YIPF4: variants seen among roughly 807,000 people sequenced by gnomAD.
YIPF4 encodes protein YIPF4.
In YIPF4, 18 loss-of-function variants were observed where a neutral mutation model predicts 29.4. That is an observed-to-expected ratio of 0.61 (90% CI 0.42 to 0.91). YIPF4 has a LOEUF of 0.91. Ranked by LOEUF, YIPF4 falls within the 40% of genes least tolerant of loss-of-function variation. The probability of loss-of-function intolerance (pLI) is 0.00; values close to 1 mark genes in which losing one functional copy is unlikely to be tolerated. For missense variants in YIPF4, 279 were observed against 282.7 expected (o/e 0.99, Z 0.09); for synonymous variants, 115 against 104.7 (o/e 1.10, Z -0.60).
At chr2:32,296,793 A>G (rs1028463852) in intron 3 of YIPF4, among the ~76,000 whole-genome samples, 16 of 152,308 alleles carry the variant, frequency 1.1e-4, no homozygotes, top group Admixed American at 1.0e-3. Flanking sequence ...CAACTATGCA[A>G]ATATCCTGTT....
intron 3 of YIPF4, among the ~76,000 whole-genome samples, chr2:32,295,888 C>G (rs1349825777): frequency 6.6e-6 from 1 of 152,168 alleles, no homozygotes; most frequent in African/African-American, 2.4e-5. Flanking sequence ...CAGGTGTGAA[C>G]CACTGTGCCC....
chr2:32,283,131 C>T (rs1016503486), intron 1 of YIPF4, among the ~76,000 whole-genome samples: 5 of 146,736 alleles, frequency 3.4e-5, no homozygotes, highest in Non-Finnish European at 6.0e-5. Flanking sequence ...AAATGTAAAA[C>T]ATTTACTACT....
chr2:32,279,218 G>T (rs957689139), intron 1 of YIPF4, among the ~76,000 whole-genome samples: 1 of 151,828 alleles, frequency 6.6e-6, no homozygotes, highest in Non-Finnish European at 1.5e-5. Flanking sequence ...TGATCCGCCC[G>T]CCTCGGCCTC....
intron 1 of YIPF4, among the ~76,000 whole-genome samples, chr2:32,279,976 A>G (rs1441251407): frequency 2.0e-5 from 3 of 147,708 alleles, no homozygotes; most frequent in Non-Finnish European, 4.5e-5. Context: ...AGCTTACTAT[A>G]ACCTCAAATT....
At chr2:32,292,088 CTTAT>C in intron 2 of YIPF4, 85 bp from the exon 3 acceptor site, 1 of 856,172 alleles carries the variant, frequency 1.2e-6, no homozygotes, top group Non-Finnish European at 1.7e-6. Flanking sequence ...TTATAACTGT[CTTAT>C]TTAAAGTTTT....
rs374704030 is a variant in YIPF4 at position 32,280,139 on chromosome 2, T to A, written c.79+1905T>A. On this transcript the variant is annotated intron_variant, in intron 1 of 5. Transcript: ENST00000238831. ...CCAGCTAATATATATATATATATTTTTTTTTTGAGGCGGAGTCTCACTTTG... is the reference window on the plus strand; with the variant it reads ...CCAGCTAATATATATATATATATTTATTTTTTGAGGCGGAGTCTCACTTTG... 5.0e-3 allele frequency among the ~76,000 whole-genome samples: 728 copies of A among 145,780 alleles called. 1 individual carries two copies. The highest frequency in any genetic ancestry group is 0.022 in the Middle Eastern group (6 of 278).
At chr2:32,290,722 C>A (rs2030874835) in intron 2 of YIPF4, 86 bp downstream of exon 2, 1 of 987,330 alleles carries the variant, frequency 1.0e-6, no homozygotes, top group Non-Finnish European at 1.3e-6. Context: ...AGAGAGAAAG[C>A]ATTAACCTTT....
chr2:32,301,516 T>A, intron 5 of YIPF4, 21 bp downstream of exon 5: 1 of 1,504,180 alleles, frequency 6.6e-7, no homozygotes, highest in Admixed American at 1.7e-5. Flanking sequence ...GATTATGTAT[T>A]ACATAGTTTA....
At chr2:32,294,344 C>G (rs1016239752) in intron 3 of YIPF4, among the ~76,000 whole-genome samples, 4 of 151,430 alleles carry the variant, frequency 2.6e-5, no homozygotes, top group Non-Finnish European at 4.4e-5. Context: ...CTCCTCACTT[C>G]TCAGACAGGG....
At position 32,305,869 on chromosome 2, in the gene YIPF4, A is replaced by T. The variant is rs942602005; in HGVS notation, c.*243A>T. On this transcript the variant is annotated 3_prime_UTR_variant, in exon 6 of 6. Transcript: ENST00000238831. ...TTCTCCATATTCCAGTGAATAAAAT[A>T]CAAAAGCATTGTGTTTTTAAGATTG... 1.5e-5 allele frequency: 17 copies of T among 1,118,198 alleles called. No homozygotes were observed. The African/African-American group carries it at 2.6e-4, about 17-fold the overall frequency. 69.3% of individuals were successfully genotyped at this position (1,118,198 alleles called of 1,614,324 possible).
rs1264845944 is a variant in YIPF4 at position 32,312,101 on chromosome 2, A to C, written c.*6475A>C. ...TAGTCTCTTCATGGAAAACAGTAAA[A>C]ATACTCACGTTTATGATGATGGGCC... On this transcript the variant is annotated 3_prime_UTR_variant, in exon 6 of 6. Coordinates refer to ENST00000238831, the MANE Select transcript of YIPF4 (RefSeq NM_032312.4). 7 of 152,192 alleles carry C rather than the reference A, an allele frequency of 4.6e-5. No homozygotes were observed. Among genetic ancestry groups the C allele is most frequent in the Admixed American group, 4.6e-4 (7 of 15,272 alleles). 9.4% of individuals were successfully genotyped at this position (152,192 alleles called of 1,614,324 possible). A position where few individuals can be genotyped will look rare whatever the true frequency, so the allele number is the denominator to read the frequency against.
rs1403883751 is a variant in YIPF4 at position 32,311,248 on chromosome 2, A to G, written c.*5622A>G. On this transcript the variant is annotated 3_prime_UTR_variant, in exon 6 of 6. Transcript: ENST00000238831. Reference sequence around the variant, plus strand: ...ACTGGTGAAAATTTTAGACCAAACCATGTCTTTCTGGGTTGTAGTGATTAA... The same window carrying G: ...ACTGGTGAAAATTTTAGACCAAACCGTGTCTTTCTGGGTTGTAGTGATTAA... The G allele has an allele frequency of 6.6e-6, 1 of 152,172 alleles. No individual in the cohort carries two copies. Among genetic ancestry groups the G allele is most frequent in the African/African-American group, 2.4e-5 (1 of 41,446 alleles). 9.4% of individuals were successfully genotyped at this position (152,172 alleles called of 1,614,324 possible). A position where few individuals can be genotyped will look rare whatever the true frequency, so the allele number is the denominator to read the frequency against.
At chr2:32,300,574 T>C (rs1398174583) in intron 4 of YIPF4, among the ~76,000 whole-genome samples, 2 of 152,182 alleles carry the variant, frequency 1.3e-5, no homozygotes, top group African/African-American at 2.4e-5. Context: ...GTGAAACCTT[T>C]TTACTCTGCA....
At chr2:32,291,616 TATTA>T (rs1399244698) in intron 2 of YIPF4, among the ~76,000 whole-genome samples, 7 of 152,156 alleles carry the variant, frequency 4.6e-5, no homozygotes, top group African/African-American at 1.7e-4. Flanking sequence ...TTATTTTACA[TATTA>T]ATTAAACAGA....
chr2:32,308,069 CTAATTTTTTAAA>C lies in YIPF4; in HGVS notation c.*2448_*2459del, dbSNP rs1233405836. The C allele has an allele frequency of 1.3e-5, 2 of 150,796 alleles. No individual in the cohort carries two copies. Among genetic ancestry groups the C allele is most frequent in the Admixed American group, 6.6e-5 (1 of 15,062 alleles). 9.3% of individuals were successfully genotyped at this position (150,796 alleles called of 1,614,324 possible). ...TATAATAATATTTTCTGAGTCATAACTAATTTTTTAAATAATGATTTCCAATCTAATTATTAA... is the reference window on the plus strand; with the variant it reads ...TATAATAATATTTTCTGAGTCATAACTAATGATTTCCAATCTAATTATTAA... On this transcript the variant is annotated 3_prime_UTR_variant, in exon 6 of 6. Coordinates refer to ENST00000238831, the MANE Select transcript of YIPF4 (RefSeq NM_032312.4).
At position 32,311,361 on chromosome 2, in the gene YIPF4, A is replaced by G. The variant is rs1385011932; in HGVS notation, c.*5735A>G. ...AGTTTTCTCTTTGAAAATTCTTTTG[A>G]TATGCTGAGGTTACAGTTTGGAGGT... On this transcript the variant is annotated 3_prime_UTR_variant, in exon 6 of 6. Transcript: ENST00000238831. The G allele has an allele frequency of 6.6e-6, 1 of 152,166 alleles. No homozygotes were observed. The highest frequency in any genetic ancestry group is 1.5e-5 in the Non-Finnish European group (1 of 68,032). 9.4% of individuals were successfully genotyped at this position (152,166 alleles called of 1,614,324 possible).
chr2:32,288,061 T>C (rs2030752004), intron 1 of YIPF4, among the ~76,000 whole-genome samples: 1 of 152,218 alleles, frequency 6.6e-6, no homozygotes, highest in African/African-American at 2.4e-5. Context: ...TTTCTTGCTC[T>C]CTGACATCAT....
rs1421153933 is a variant in YIPF4 at position 32,307,416 on chromosome 2, G to C, written c.*1790G>C. The C allele has an allele frequency of 1.2e-5, 2 of 170,452 alleles. No homozygotes were observed. Among genetic ancestry groups the C allele is most frequent in the Admixed American group, 6.5e-5 (1 of 15,480 alleles). The allele number at this position is 170,452 out of a possible 1,614,324, so 10.6% of individuals were successfully genotyped here. On this transcript the variant is annotated 3_prime_UTR_variant, in exon 6 of 6. Transcript: ENST00000238831. Reference sequence around the variant, plus strand: ...AAAAACTATCATTGCTTTAAGGTATGAATTTTAAAAATCACTTATATGGAT... The same window carrying C: ...AAAAACTATCATTGCTTTAAGGTATCAATTTTAAAAATCACTTATATGGAT...
In YIPF4 at chr2:32,313,300, G is replaced by GT. The variant is rs1312478349; in HGVS notation, c.*7677dup. ...AATATAAAAAGAAAACCAGTTTGAA[G>GT]TTTAGTGGTTAATGAAATTGAACAG... On this transcript the variant is annotated 3_prime_UTR_variant, in exon 6 of 6. Transcript: ENST00000238831. 1.3e-5 allele frequency: 2 copies of GT among 152,198 alleles called. No individual in the cohort carries two copies. The highest frequency in any genetic ancestry group is 2.9e-5 in the Non-Finnish European group (2 of 68,032). The allele number at this position is 152,198 out of a possible 1,614,324, so 9.4% of individuals were successfully genotyped here. A position where few individuals can be genotyped will look rare whatever the true frequency, so the allele number is the denominator to read the frequency against.
Sources: gnomAD v4.1 joint callset for allele counts (sites outside exome capture counted in the v4.1 genomes callset) on GRCh38, gnomAD v4.1.1 for gene constraint, MANE v1.5 for transcripts, NCBI Gene and HGNC (gene_info 2026-07-23, HGNC 2026-07-21) for gene names.